The following PCDHA5 variants were observed in gnomAD, a reference collection of about 807,000 sequenced individuals.
PCDHA5 encodes the protein protocadherin alpha-5.
Under a neutral mutation model 61.6 loss-of-function variants are expected in PCDHA5, and 43 were observed. The ratio of observed to expected loss-of-function variants is 0.70; its 90% CI spans 0.55 to 0.90. PCDHA5 has a LOEUF of 0.90. Ranked by LOEUF, PCDHA5 falls within the 40% of genes least tolerant of loss-of-function variation. The pLI is 0.00. For synonymous variants in PCDHA5, 627 were observed against 543.9 expected, an observed-to-expected ratio of 1.15 and a Z score of -2.13; for missense variants, 1,298 against 1,222.7, an observed-to-expected ratio of 1.06 and a Z score of -0.92.
intron 1 of PCDHA5, among the ~76,000 whole-genome samples, chr5:140,916,853 T>G (rs1233420106): frequency 1.3e-5 from 2 of 152,160 alleles, no homozygotes; most frequent in East Asian, 3.9e-4. Flanking sequence ...AGCCCAGCAC[T>G]AGGAGTTACC....
At chr5:140,884,354 G>A (rs2060118274) in intron 1 of PCDHA5, 1 of 1,613,952 alleles carries the variant, frequency 6.2e-7, no homozygotes, top group African/African-American at 1.3e-5. Context: ...GCTGGTGGAT[G>A]TCAATGTTTA....
In PCDHA5 at chr5:140,882,396, C is replaced by A. The variant is rs1287441519; in HGVS notation, c.2352+58269C>A. 54 of 1,614,078 alleles carry A rather than the reference C, an allele frequency of 3.3e-5. No homozygotes were observed. The highest frequency in any genetic ancestry group is 4.6e-5 in the Non-Finnish European group (54 of 1,180,056). On this transcript the variant is annotated intron_variant, in intron 1 of 3. Transcript: ENST00000529859. The stretch of plus-strand genomic sequence containing the variant: ...GTCCCCGAGGAAGCAAAACACGGCA[C>A]CTTCGTGGGCCGCATCGCTCAGGAC...
intron 1 of PCDHA5, among the ~76,000 whole-genome samples, chr5:140,890,939 G>A (rs1236920048): frequency 6.6e-6 from 1 of 152,106 alleles, no homozygotes; most frequent in Admixed American, 6.6e-5. Flanking sequence ...GTCCAAAGAT[G>A]CTGGTGAGGA....
At chr5:140,915,772 G>A (rs1282338375) in intron 1 of PCDHA5, among the ~76,000 whole-genome samples, 1 of 151,950 alleles carries the variant, frequency 6.6e-6, no homozygotes, top group East Asian at 1.9e-4. Flanking sequence ...CTTGTCCAAG[G>A]CCTGCTGTAA....
At chr5:140,837,003 A>T (rs1386958207) in intron 1 of PCDHA5, 2 of 326,856 alleles carry the variant, frequency 6.1e-6, no homozygotes, top group Admixed American at 8.8e-5. Flanking sequence ...AACTGGAGCA[A>T]TGGATTCACC....
chr5:140,875,752 A>G lies in PCDHA5; in HGVS notation c.2352+51625A>G, dbSNP rs782489258. On this transcript the variant is annotated intron_variant, in intron 1 of 3. Transcript: ENST00000529859. ...TGTGAATTCTCGGATCGACCGCGAGAAGCTGTGCGGGCGGAGCGCGGAGTG... is the reference window on the plus strand; with the variant it reads ...TGTGAATTCTCGGATCGACCGCGAGGAGCTGTGCGGGCGGAGCGCGGAGTG... 53 of 1,614,084 alleles carry G rather than the reference A, an allele frequency of 3.3e-5. No homozygotes were observed. The highest frequency in any genetic ancestry group is 3.2e-4 in the African/African-American group (24 of 74,918).
At chr5:140,941,743 C>G (rs2093156279) in intron 1 of PCDHA5, among the ~76,000 whole-genome samples, 1 of 152,172 alleles carries the variant, frequency 6.6e-6, no homozygotes, top group Admixed American at 6.5e-5. Context: ...ATTATCTTAT[C>G]AGATTTTCAG....
chr5:140,916,819 C>T (rs2077741305), intron 1 of PCDHA5, among the ~76,000 whole-genome samples: 1 of 152,084 alleles, frequency 6.6e-6, no homozygotes, highest in Non-Finnish European at 1.5e-5. Context: ...CATGTGCCAC[C>T]CCTATCCCTC....
chr5:140,937,413 TTAGA>T (rs781915768), intron 1 of PCDHA5, among the ~76,000 whole-genome samples: 3 of 152,228 alleles, frequency 2.0e-5, no homozygotes, highest in Non-Finnish European at 2.9e-5. Flanking sequence ...ACAACTTTTA[TTAGA>T]TAGCTGATAT....
At chr5:140,860,165 GT>G (rs1478173649) in intron 1 of PCDHA5, 2 of 147,750 alleles carry the variant, frequency 1.4e-5, no homozygotes, top group Non-Finnish European at 3.0e-5. Flanking sequence ...ATATATATAT[GT>G]ATATATATAT....
At chr5:140,922,565 C>G (rs1334011438) in intron 1 of PCDHA5, among the ~76,000 whole-genome samples, 1 of 152,150 alleles carries the variant, frequency 6.6e-6, no homozygotes, top group Non-Finnish European at 1.5e-5. Context: ...GTCAGGATGA[C>G]AAGTTGCCCT....
intron 1 of PCDHA5, chr5:140,927,305 C>A: frequency 6.2e-7 from 1 of 1,614,190 alleles, no homozygotes; most frequent in African/African-American, 1.3e-5. Flanking sequence ...GAGTTCCTGA[C>A]GCCCGGAGCC....
chr5:140,910,257 A>G (rs1428252762), intron 1 of PCDHA5, among the ~76,000 whole-genome samples: 1 of 152,202 alleles, frequency 6.6e-6, no homozygotes, highest in East Asian at 1.9e-4. Flanking sequence ...TAGGCTTCCT[A>G]TCATTTTCAC....
At chr5:140,976,523 C>T in intron 1 of PCDHA5, among the ~76,000 whole-genome samples, 1 of 151,724 alleles carries the variant, frequency 6.6e-6, no homozygotes. Flanking sequence ...TGCACACCAG[C>T]CTAAATGACA....
intron 1 of PCDHA5, chr5:140,863,757 G>A (rs2048159267): frequency 4.1e-6 from 1 of 243,012 alleles, no homozygotes; most frequent in Non-Finnish European, 8.1e-6. Context: ...CCGGCACTTT[G>A]GGAAGCCGAG....
intron 1 of PCDHA5, among the ~76,000 whole-genome samples, chr5:140,846,000 GA>G (rs1346490644): frequency 1.3e-5 from 2 of 149,558 alleles, no homozygotes; most frequent in African/African-American, 2.4e-5. Context: ...GTGGTGGAAT[GA>G]AAAAAATCTA....
intron 1 of PCDHA5, chr5:140,870,409 G>A (rs2051982376): frequency 1.9e-6 from 3 of 1,614,226 alleles, no homozygotes; most frequent in African/African-American, 1.3e-5. Context: ...TTCTCTGTGG[G>A]CCACGGCCAG....
chr5:140,851,389 TCTATTATTTTAATAA>T, intron 1 of PCDHA5: 2 of 974,212 alleles, frequency 2.1e-6, no homozygotes, highest in Non-Finnish European at 2.5e-6. Flanking sequence ...ACCTTCAGTA[TCTATTATTTTAATAA>T]GAAAGAAACT....
intron 2 of PCDHA5, among the ~76,000 whole-genome samples, chr5:140,979,612 G>A (rs1223690856): frequency 6.6e-6 from 1 of 152,042 alleles, no homozygotes; most frequent in Admixed American, 6.6e-5. Flanking sequence ...CTAGAGTAAC[G>A]GTATTAGTCT....
Sources: gnomAD v4.1 joint callset for allele counts (sites outside exome capture counted in the v4.1 genomes callset) on GRCh38, gnomAD v4.1.1 for gene constraint, MANE v1.5 for transcripts, NCBI Gene and HGNC (gene_info 2026-07-23, HGNC 2026-07-21) for gene names.